The following INPP1 variants were observed in gnomAD, a reference collection of about 807,000 sequenced individuals.
The protein encoded by INPP1 is inositol polyphosphate-1-phosphatase, also known as inositol polyphosphate 1-phosphatase.
Under a neutral mutation model 23.0 loss-of-function variants are expected in INPP1, and 18 were observed. The observed-to-expected ratio is 0.78, with a 90% confidence interval of 0.54 to 1.16. The LOEUF (loss-of-function observed/expected upper bound fraction) is 1.16. INPP1 is among the 50% of genes most tolerant of loss of function. The probability of loss-of-function intolerance (pLI) is 0.00; values close to 1 mark genes in which losing one functional copy is unlikely to be tolerated. For synonymous variants in INPP1, 164 were observed against 176.3 expected (o/e 0.93, Z 0.55); for missense variants, 448 against 482.1 (o/e 0.93, Z 0.66).
chr2:190,362,175 TG>T (rs1363120322), intron 3 of INPP1, among the ~76,000 whole-genome samples: 3 of 152,206 alleles, frequency 2.0e-5, no homozygotes, highest in African/African-American at 7.2e-5. Context: ...CAAAATCGAA[TG>T]TTATCTATCC....
rs1689214761 is a variant in INPP1 at position 190,346,345 on chromosome 2, A to G, written c.-209+2384A>G. Among the ~76,000 whole-genome samples the G allele has an allele frequency of 6.6e-6, 1 of 152,236 alleles. No individual in the cohort carries two copies. Among genetic ancestry groups the G allele is most frequent in the African/African-American group, 2.4e-5 (1 of 41,476 alleles). The stretch of plus-strand genomic sequence containing the variant: ...AACTTATTAGGACTCCTGTACATAA[A>G]ATGTTCATATATGGAAACTGATTTT... On this transcript the variant is annotated intron_variant, in intron 1 of 6. Coordinates refer to ENST00000392329, the MANE Select transcript of INPP1 (RefSeq NM_001128928.2). This position sits in a 1 kb window ranked among gnomAD's most constrained non-coding sequence, Gnocchi z 5.1.
At chr2:190,353,279 C>T (rs1310737933) in intron 2 of INPP1, among the ~76,000 whole-genome samples, 1 of 152,166 alleles carries the variant, frequency 6.6e-6, no homozygotes, top group Non-Finnish European at 1.5e-5. Context: ...AGACTGTCTA[C>T]CATGAAGCCA....
chr2:190,350,249 ATACT>A (rs910285914), intron 2 of INPP1, among the ~76,000 whole-genome samples: 1 of 152,252 alleles, frequency 6.6e-6, no homozygotes, highest in African/African-American at 2.4e-5. Flanking sequence ...TTACTACAGA[ATACT>A]TACTATGTAG....
Position 190,371,260 on chromosome 2 carries a change from A to G in INPP1, c.1058A>G (p.Tyr353Cys), listed in dbSNP as rs1490559119. 8 of 1,612,064 alleles carry G rather than the reference A, an allele frequency of 5.0e-6. No individual in the cohort carries two copies. The highest frequency in any genetic ancestry group is 6.8e-6 in the Non-Finnish European group (8 of 1,178,690). The change falls in exon 7 of 7, where the codon TAC becomes TGC. Residue 353 changes from tyrosine (Y) to cysteine (C), a missense_variant. Tyr to Cys is a radical substitution (Grantham distance 194, BLOSUM62 -2). Coordinates refer to ENST00000392329, the MANE Select transcript of INPP1 (RefSeq NM_001128928.2). This position sits in a 1 kb window ranked among gnomAD's most constrained non-coding sequence, Gnocchi z 5.3. ...GGGCTTGATTTGCCACAGTTGGTGT[A>G]CCACGTGGAAAATGAGGGTGCTGCT... is the stretch of plus-strand genomic sequence containing the variant. ...ETGLDLPQLV[Y>C]HVENEGAAGV...
rs1400197777 is a variant in INPP1, at chr2:190,371,034, C to T, written c.832C>T (p.Arg278Cys). 21 of 1,614,122 alleles carry T rather than the reference C, an allele frequency of 1.3e-5. No homozygotes were observed. The highest frequency in any genetic ancestry group is 2.2e-5 in the East Asian group (1 of 44,886). ...EKETIKAALS[R>C]VCGDRIFGAA... ...GGAGACTATCAAAGCTGCATTGTCA[C>T]GTGTGTGTGGAGATCGCATATTTGG... The change falls in exon 7 of 7, where the codon CGT (arginine) becomes TGT (cysteine). Residue 278 changes from arginine (R) to cysteine (C), a missense_variant. By Grantham distance (180) the Arg-to-Cys change is radical (BLOSUM62 -3). Coordinates refer to ENST00000392329, the MANE Select transcript of INPP1 (RefSeq NM_001128928.2). The surrounding 1 kb of genome is among the most constrained non-coding windows in gnomAD (Gnocchi z 5.3).
At chr2:190,349,626 A>T (rs1575783238) in intron 2 of INPP1, among the ~76,000 whole-genome samples, 1 of 152,300 alleles carries the variant, frequency 6.6e-6, no homozygotes. Flanking sequence ...GTTACATTGC[A>T]TCTGCTTCTA....
At chr2:190,370,298 A>T (rs987438224) in intron 6 of INPP1, among the ~76,000 whole-genome samples, 2 of 152,216 alleles carry the variant, frequency 1.3e-5, no homozygotes, top group Non-Finnish European at 1.5e-5. Context: ...CAACATAGAC[A>T]GTAAGTTAAG....
Position 190,343,882 on chromosome 2 carries a change from C to T in INPP1, c.-288C>T. 1 of 173,184 alleles carries T rather than the reference C, an allele frequency of 5.8e-6. No individual in the cohort carries two copies. The highest frequency in any genetic ancestry group is 1.3e-5 in the Non-Finnish European group (1 of 79,090). 10.7% of individuals were successfully genotyped at this position (173,184 alleles called of 1,614,324 possible). On this transcript the variant is annotated 5_prime_UTR_variant, in exon 1 of 7. Coordinates refer to ENST00000392329, the MANE Select transcript of INPP1 (RefSeq NM_001128928.2). ...TAACCTCGCGCCCGGGCCGCGCCTCCTCCTCCTCCTGCTCCCCGCCGCTTC... is the reference window on the plus strand; with the variant it reads ...TAACCTCGCGCCCGGGCCGCGCCTCTTCCTCCTCCTGCTCCCCGCCGCTTC...
At chr2:190,362,564 G>C (rs1178919489) in intron 3 of INPP1, 63 bp from the exon 4 acceptor site, 2 of 971,090 alleles carry the variant, frequency 2.1e-6, no homozygotes, top group Admixed American at 2.3e-5. Context: ...ATTGAAATCT[G>C]TTCAGAATTG....
intron 2 of INPP1, among the ~76,000 whole-genome samples, chr2:190,353,119 G>A (rs1456017948): frequency 1.3e-5 from 2 of 152,184 alleles, no homozygotes; most frequent in Non-Finnish European, 2.9e-5. Context: ...CCTTATCTAT[G>A]TCATCACCCT....
At chr2:190,360,456 A>T in intron 3 of INPP1, 150 bp downstream of exon 3, 1 of 618,474 alleles carries the variant, frequency 1.6e-6, no homozygotes, top group South Asian at 2.1e-5. Flanking sequence ...CCTCCTTGTC[A>T]TGATTACAGT....
In INPP1 at chr2:190,367,013, T is replaced by G. The variant is rs547444347; in HGVS notation, c.466+118T>G. The G allele has an allele frequency of 7.0e-5, 46 of 654,098 alleles. No individual in the cohort carries two copies. In the African/African-American group the frequency reaches 7.6e-4, roughly 11 times the overall value. 40.5% of individuals were successfully genotyped at this position (654,098 alleles called of 1,614,324 possible). A position where few individuals can be genotyped will look rare whatever the true frequency, so the allele number is the denominator to read the frequency against. Reference sequence around the variant, plus strand: ...TGTAGTTTAACTCTGCTAGAAGTTTTTAAAATTTTAAAGTTTTAAAACAAT... The same window carrying G: ...TGTAGTTTAACTCTGCTAGAAGTTTGTAAAATTTTAAAGTTTTAAAACAAT... On this transcript the variant is annotated intron_variant, in intron 5 of 6. Transcript: ENST00000392329. The surrounding 1 kb of genome is among the most constrained non-coding windows in gnomAD (Gnocchi z 4.1).
rs757398200 is a variant in INPP1, at chr2:190,371,346, G to T, written c.1144G>T (p.Glu382Ter). 5.8e-6 allele frequency: 9 copies of T among 1,557,162 alleles called. No homozygotes were observed. The highest frequency in any genetic ancestry group is 1.9e-4 in the Middle Eastern group (1 of 5,298). The change falls in exon 7 of 7, where the codon GAG becomes TAG. Residue 382 changes from glutamate to a stop codon, truncating the protein, a stop_gained. Transcript: ENST00000392329. LOFTEE classifies it low-confidence loss of function (END_TRUNC). This position sits in a 1 kb window ranked among gnomAD's most constrained non-coding sequence, Gnocchi z 5.3. ...TGCATACAGATCCAGGAAGCGGCTG[G>T]AGACATTCCTGAGCCTCCTGGTCCA... Reference protein sequence around the residue: ...LIAYRSRKRLETFLSLLVQNL... With the variant: ...LIAYRSRKRL
intron 4 of INPP1, among the ~76,000 whole-genome samples, chr2:190,366,122 G>A (rs1318430487): frequency 6.8e-5 from 8 of 118,010 alleles, no homozygotes; most frequent in African/African-American, 1.6e-4. Context: ...TCTCTGTCTC[G>A]CTCTGTCTCT....
chr2:190,371,332 C>G lies in INPP1; in HGVS notation c.1130C>G (p.Ser377Cys). Residue 377 changes from serine (S) to cysteine (C), a missense_variant, in exon 7 of 7, where the codon TCC becomes TGC. Transcript: ENST00000392329. This position sits in a 1 kb window ranked among gnomAD's most constrained non-coding sequence, Gnocchi z 5.3. Reference sequence around the variant, plus strand: ...AAGGGAGGACTCATTGCATACAGATCCAGGAAGCGGCTGGAGACATTCCTG... The same window carrying G: ...AAGGGAGGACTCATTGCATACAGATGCAGGAAGCGGCTGGAGACATTCCTG... ...ANKGGLIAYR[S>C]RKRLETFLSL... 1 of 1,576,470 alleles carries G rather than the reference C, an allele frequency of 6.3e-7. No homozygotes were observed. The highest frequency in any genetic ancestry group is 8.6e-7 in the Non-Finnish European group (1 of 1,160,324).
rs73981072 is a variant in INPP1, at chr2:190,352,388, T to C, written c.-65+3357T>C. ...CCAAACTGTAATATTTATTGGATCC[T>C]GAGAAATGTTTGACAGTCAAATATC... On this transcript the variant is annotated intron_variant, in intron 2 of 6. Transcript: ENST00000392329. This position sits in a 1 kb window ranked among gnomAD's most constrained non-coding sequence, Gnocchi z 4.7. Among the ~76,000 whole-genome samples the C allele has an allele frequency of 0.02, 3,063 of 152,286 alleles. 107 individuals are homozygous for C. Among genetic ancestry groups the C allele is most frequent in the African/African-American group, 0.069 (2,852 of 41,546 alleles).
chr2:190,348,294 A>G (rs576404028), intron 1 of INPP1, among the ~76,000 whole-genome samples: 2 of 152,318 alleles, frequency 1.3e-5, no homozygotes, highest in Non-Finnish European at 2.9e-5. Context: ...TTATGCCCTT[A>G]TTATGTAGAT....
intron 2 of INPP1, among the ~76,000 whole-genome samples, chr2:190,358,190 T>C (rs1689456962): frequency 6.6e-6 from 1 of 151,364 alleles, no homozygotes; most frequent in South Asian, 2.1e-4. Flanking sequence ...AGTGATTCTG[T>C]TCCTCAGTCT....
rs1272949855 is a variant in INPP1, at chr2:190,355,067, G to T, written c.-64-4972G>T. Among the ~76,000 whole-genome samples the T allele has an allele frequency of 6.6e-6, 1 of 151,726 alleles. No individual in the cohort carries two copies. The highest frequency in any genetic ancestry group is 1.5e-5 in the Non-Finnish European group (1 of 67,966). Reference sequence around the variant, plus strand: ...TAACAATTGATGAAAAGATTTCACTGGCTAGAGTACTGGTCAACAGTGGGG... The same window carrying T: ...TAACAATTGATGAAAAGATTTCACTTGCTAGAGTACTGGTCAACAGTGGGG... On this transcript the variant is annotated intron_variant, in intron 2 of 6. Transcript: ENST00000392329. The surrounding 1 kb of genome is among the most constrained non-coding windows in gnomAD (Gnocchi z 5.1).
Sources: allele counts gnomAD v4.1 joint callset (sites outside exome capture counted in the v4.1 genomes callset), GRCh38; gene constraint gnomAD v4.1.1; non-coding constraint Gnocchi (gnomAD v3.1); transcripts MANE v1.5; gene names NCBI Gene and HGNC (gene_info 2026-07-23, HGNC 2026-07-21).